ADNP: variants seen among roughly 807,000 people sequenced by gnomAD.
ADNP encodes the protein activity dependent neuroprotector homeobox, also known as activity-dependent neuroprotector homeobox protein.
A neutral mutation model predicts 84.9 loss-of-function variants in ADNP; 4 were observed. That is an observed-to-expected ratio of 0.05 (90% CI 0.02 to 0.11). ADNP has a LOEUF of 0.11. Among genes scored for constraint, ADNP ranks in the 10% least tolerant of loss-of-function variants. The pLI, the probability that ADNP is intolerant of heterozygous loss-of-function variation, is 1.00. For missense variants in ADNP, 1,132 were observed against 1,326.0 expected, an observed-to-expected ratio of 0.85 and a Z score of 2.27; for synonymous variants, 554 against 468.1, an observed-to-expected ratio of 1.18 and a Z score of -2.37.
At position 50,891,350 on chromosome 20, in the gene ADNP, C is replaced by A. The variant is rs187932970; in HGVS notation, c.*55G>T. ...GTGAGAAGACAGCTTTGCAGTCACACTGGATATCAGAGTTCCAGGCTGCAG... is the reference window on the plus strand; with the variant it reads ...GTGAGAAGACAGCTTTGCAGTCACAATGGATATCAGAGTTCCAGGCTGCAG... On this transcript the variant is annotated 3_prime_UTR_variant, in exon 6 of 6. Transcript: ENST00000621696. 1.4e-4 allele frequency: 207 copies of A among 1,512,182 alleles called. No homozygotes were observed. The African/African-American group carries it at 2.7e-3, about 20-fold the overall frequency. The allele number at this position is 1,512,182 out of a possible 1,614,324, so 93.7% of individuals were successfully genotyped here.
rs6096166 is a variant in ADNP at position 50,892,477 on chromosome 20, G to A, written c.2237C>T (p.Pro746Leu). 3.1e-6 allele frequency: 5 copies of A among 1,614,142 alleles called. No homozygotes were observed. The highest frequency in any genetic ancestry group is 1.3e-5 in the African/African-American group (1 of 75,022). Residue 746 changes from proline to leucine, a missense_variant, in exon 6 of 6, where the codon CCT becomes CTT. Around this residue, in one of 10 missense-constraint regions of ADNP, gnomAD observed 101 missense variants for 78.5 expected, o/e 1.29. Transcript: ENST00000621696. The stretch of plus-strand genomic sequence containing the variant: ...TAAAGCTAAAACAACAGGCTCTTCA[G>A]GCTTCTCTTCAAAGAAGCTGGGTGA... ...SDSPSFFEEK[P>L]EEPVVLALDP...
intron 2 of ADNP, among the ~76,000 whole-genome samples, chr20:50,907,492 C>T (rs190631228): frequency 2.0e-5 from 3 of 152,212 alleles, no homozygotes; most frequent in East Asian, 3.9e-4. Context: ...GTCTCAAACT[C>T]CTGACCTCAG....
At chr20:50,906,125 T>G (rs6013039) in intron 2 of ADNP, among the ~76,000 whole-genome samples, 379 of 152,192 alleles carry the variant, frequency 2.5e-3, no homozygotes, top group African/African-American at 8.6e-3. Context: ...GGCAGGAGAA[T>G]CGCTTGAACC....
chr20:50,904,199 C>G, intron 3 of ADNP, 198 bp from the exon 4 acceptor site: 1 of 564,036 alleles, frequency 1.8e-6, no homozygotes, highest in Non-Finnish European at 3.2e-6. Context: ...ATCCATCCTT[C>G]CTTCCTTTTC....
At position 50,902,091 on chromosome 20, in the gene ADNP, G is replaced by T; in HGVS notation, c.127C>A (p.Pro43Thr). Residue 43 changes from proline (P) to threonine (T), a missense_variant, in exon 5 of 6, where the codon CCT becomes ACT. Physicochemically the swap from Pro to Thr is conservative, Grantham distance 38. Transcript: ENST00000621696. ...EHIEDFKQFEPNDFYLKNTTW... is the reference protein window; with the variant it reads ...EHIEDFKQFETNDFYLKNTTW... ...GTGTTTTTCAAATAAAAGTCATTAGGTTCAAATTGTTTAAAATCCTAGAAA... is the reference window on the plus strand; with the variant it reads ...GTGTTTTTCAAATAAAAGTCATTAGTTTCAAATTGTTTAAAATCCTAGAAA... 1 of 1,611,708 alleles carries T rather than the reference G, an allele frequency of 6.2e-7. No homozygotes were observed. The highest frequency in any genetic ancestry group is 8.5e-7 in the Non-Finnish European group (1 of 1,177,858).
In ADNP at chr20:50,893,870, C is replaced by G; in HGVS notation, c.844G>C (p.Gly282Arg). ...APKPQDKKSM[G>R]LPPRIGSLAS... is the part of the protein sequence containing the mutation. ...AGGGAACCGATCCTTGGTGGGAGTC[C>G]CATGCTCTTCTTGTCTTGAGGTTTG... The change falls in exon 6 of 6, where the codon GGA (glycine) becomes CGA (arginine). Residue 282 changes from glycine to arginine, a missense_variant. Transcript: ENST00000621696. The surrounding 1 kb of genome is among the most constrained non-coding windows in gnomAD (Gnocchi z 4.4). 2 of 1,614,114 alleles carry G rather than the reference C, an allele frequency of 1.2e-6. No individual in the cohort carries two copies. Among genetic ancestry groups the G allele is most frequent in the Non-Finnish European group, 1.7e-6 (2 of 1,180,010 alleles).
At chr20:50,920,855 A>G (rs190136091) in intron 2 of ADNP, among the ~76,000 whole-genome samples, 4 of 152,212 alleles carry the variant, frequency 2.6e-5, no homozygotes, top group Admixed American at 6.5e-5. Context: ...TTTGTACCTT[A>G]TAACTTCAAA....
intron 5 of ADNP, among the ~76,000 whole-genome samples, chr20:50,898,025 C>T (rs1981594248): frequency 6.6e-6 from 1 of 152,138 alleles, no homozygotes; most frequent in African/African-American, 2.4e-5. Context: ...TGCAACATTG[C>T]CCCCAAGCAA....
intron 2 of ADNP, among the ~76,000 whole-genome samples, chr20:50,913,489 T>G (rs1983249398): frequency 6.6e-6 from 1 of 152,158 alleles, no homozygotes; most frequent in Admixed American, 6.6e-5. Context: ...AAGAGTAAGA[T>G]TTTTGAAGTT....
At chr20:50,920,338 T>C (rs1600990149) in intron 2 of ADNP, among the ~76,000 whole-genome samples, 1 of 150,514 alleles carries the variant, frequency 6.6e-6, no homozygotes, top group South Asian at 2.1e-4. Flanking sequence ...CCCAGCACTT[T>C]GGGAGGCCAA....
At position 50,891,473 on chromosome 20, in the gene ADNP, T is replaced by A. The variant is rs767564900; in HGVS notation, c.3241A>T (p.Thr1081Ser). ...SEDGEQFDNM[T>S]DGVAEPMHGS... The stretch of plus-strand genomic sequence containing the variant: ...TGCATGGGCTCAGCTACTCCATCAG[T>A]CATGTTGTCAAACTGTTCCCCATCC... Residue 1081 changes from threonine to serine, a missense_variant, in exon 6 of 6, where the codon ACT becomes TCT. This residue lies in a region of ADNP where 381 missense variants were observed against 319.9 expected (regional missense o/e 1.19). Coordinates refer to ENST00000621696, the MANE Select transcript of ADNP (RefSeq NM_001282531.3). The A allele has an allele frequency of 3.1e-6, 5 of 1,612,608 alleles. No homozygotes were observed. In the African/African-American group the frequency reaches 6.7e-5, roughly 22 times the overall value.
At chr20:50,909,363 C>CTAAAAAAAAAA (rs1982810013) in intron 2 of ADNP, 1 of 44,352 alleles carries the variant, frequency 2.3e-5, no homozygotes, top group Non-Finnish European at 4.0e-5. Context: ...AAAACTGTCT[C>CTAAAAAAAAAA]AAAAAAAAAA....
rs773697523 is a variant in ADNP at position 50,894,483 on chromosome 20, G to A, written c.231C>T (p.Ser77=). Residue 77 remains serine (S), a synonymous_variant, in exon 6 of 6, where the codon AGC becomes AGT. Coordinates refer to ENST00000621696, the MANE Select transcript of ADNP (RefSeq NM_001282531.3). Reference sequence around the variant, plus strand: ...AGAATTTTGAGGAAAATGGACAAGCGCTGCAGCAGAAAGGTTTTGTCCGAT... The same window carrying A: ...AGAATTTTGAGGAAAATGGACAAGCACTGCAGCAGAAAGGTTTTGTCCGAT... ...QDYRTKPFCC[S]ACPFSSKFFS... is the part of the protein sequence containing the mutation. 1.0e-5 allele frequency: 16 copies of A among 1,600,494 alleles called. No individual in the cohort carries two copies. The highest frequency in any genetic ancestry group is 6.8e-5 in the South Asian group (6 of 88,120).
chr20:50,909,896 A>G (rs1159716269), intron 2 of ADNP: 2 of 152,226 alleles, frequency 1.3e-5, no homozygotes, highest in Non-Finnish European at 2.9e-5. Context: ...TGAAGGAAGC[A>G]AAGGGAACAA....
chr20:50,915,442 C>T (rs1269242957), intron 2 of ADNP, among the ~76,000 whole-genome samples: 1 of 152,200 alleles, frequency 6.6e-6, no homozygotes, highest in Non-Finnish European at 1.5e-5. Context: ...TCTTACACAG[C>T]TTTAAGATTG....
At chr20:50,900,569 C>T (rs1981869547) in intron 5 of ADNP, among the ~76,000 whole-genome samples, 1 of 152,160 alleles carries the variant, frequency 6.6e-6, no homozygotes, top group African/African-American at 2.4e-5. Flanking sequence ...CATAAGGTAG[C>T]AAGTTTTTCA....
In ADNP at chr20:50,889,179, A is replaced by C. The variant is rs1980386147; in HGVS notation, c.*2226T>G. On this transcript the variant is annotated 3_prime_UTR_variant, in exon 6 of 6. Transcript: ENST00000621696. Reference sequence around the variant, plus strand: ...CCAAAAGGCACACTCTCACCACCTTAATGAGGAAACACACTTATCTGTGTC... The same window carrying C: ...CCAAAAGGCACACTCTCACCACCTTCATGAGGAAACACACTTATCTGTGTC... The C allele has an allele frequency of 6.6e-6, 1 of 152,154 alleles. No individual in the cohort carries two copies. The highest frequency in any genetic ancestry group is 1.5e-5 in the Non-Finnish European group (1 of 68,018). 9.4% of individuals were successfully genotyped at this position (152,154 alleles called of 1,614,324 possible). A position where few individuals can be genotyped will look rare whatever the true frequency, so the allele number is the denominator to read the frequency against.
At chr20:50,910,490 G>A (rs1164542365) in intron 2 of ADNP, among the ~76,000 whole-genome samples, 2 of 152,128 alleles carry the variant, frequency 1.3e-5, no homozygotes, top group Non-Finnish European at 2.9e-5. Flanking sequence ...AGGCGGCTGA[G>A]GTGGGAGGAT....
At chr20:50,930,622 A>T (rs930733295) in intron 1 of ADNP, among the ~76,000 whole-genome samples, 3 of 151,980 alleles carry the variant, frequency 2.0e-5, no homozygotes. Context: ...CCTCCGGAGC[A>T]GAGTCGGGTA....
Sources: allele counts gnomAD v4.1 joint callset (sites outside exome capture counted in the v4.1 genomes callset), GRCh38; gene constraint gnomAD v4.1.1; regional missense constraint gnomAD v4.1.1; non-coding constraint Gnocchi (gnomAD v3.1); transcripts MANE v1.5; gene names NCBI Gene and HGNC (gene_info 2026-07-23, HGNC 2026-07-21).